Variants in PDSS2 observed in about 807,000 individuals in gnomAD.
PDSS2 encodes all trans-polyprenyl-diphosphate synthase PDSS2.
PDSS2 carries 31 observed loss-of-function variants against 44.5 expected under a neutral mutation model. That is an observed-to-expected ratio of 0.70 (90% CI 0.52 to 0.94). PDSS2 has a LOEUF of 0.94. Among genes scored for constraint, PDSS2 ranks in the 40% least tolerant of loss-of-function variants. The pLI is 0.00. For synonymous variants in PDSS2, 157 were observed against 180.3 expected (o/e 0.87, Z 1.03); for missense variants, 452 against 482.2 (o/e 0.94, Z 0.59).
chr6:107,277,140 T>C (rs1016999163), intron 2 of PDSS2, among the ~76,000 whole-genome samples: 1 of 152,250 alleles, frequency 6.6e-6, no homozygotes, highest in African/African-American at 2.4e-5. Flanking sequence ...AAAGCTTCTA[T>C]CTTTCCTTTT....
intron 3 of PDSS2, among the ~76,000 whole-genome samples, chr6:107,258,371 C>G (rs1775095266): frequency 2.7e-5 from 4 of 146,718 alleles, no homozygotes; most frequent in Non-Finnish European, 4.6e-5. Flanking sequence ...TAGACTCTTT[C>G]CTACAACATC....
chr6:107,416,272 A>G (rs1404943963), intron 1 of PDSS2, among the ~76,000 whole-genome samples: 1 of 152,128 alleles, frequency 6.6e-6, no homozygotes, highest in Admixed American at 6.5e-5. Context: ...ATGGGGACCC[A>G]TGAGCCAGAG....
At chr6:107,161,736 T>C (rs1318428845) in intron 7 of PDSS2, among the ~76,000 whole-genome samples, 2 of 152,196 alleles carry the variant, frequency 1.3e-5, no homozygotes, top group Non-Finnish European at 2.9e-5. Flanking sequence ...AAGTGTTAAA[T>C]ATTCACAGTT....
At chr6:107,239,429 G>C (rs1191942861) in intron 4 of PDSS2, among the ~76,000 whole-genome samples, 1 of 152,062 alleles carries the variant, frequency 6.6e-6, no homozygotes, top group Non-Finnish European at 1.5e-5. Flanking sequence ...TGACAAAAAT[G>C]ATTATGCTGG....
chr6:107,157,393 C>T (rs374975712), intron 7 of PDSS2, among the ~76,000 whole-genome samples: 1 of 152,014 alleles, frequency 6.6e-6, no homozygotes, highest in African/African-American at 2.4e-5. Context: ...ACTATATTGC[C>T]CAAGCTAATC....
chr6:107,335,756 A>G (rs1005151750), intron 1 of PDSS2, among the ~76,000 whole-genome samples: 1 of 152,206 alleles, frequency 6.6e-6, no homozygotes, highest in Admixed American at 6.5e-5. Flanking sequence ...CAGTAAAGTC[A>G]TATTGAGAAC....
At chr6:107,296,648 A>C (rs1776518491) in intron 2 of PDSS2, among the ~76,000 whole-genome samples, 1 of 152,210 alleles carries the variant, frequency 6.6e-6, no homozygotes, top group African/African-American at 2.4e-5. Context: ...AATCACTTGA[A>C]TCCAGGAGGC....
At chr6:107,300,587 G>A (rs1477311508) in intron 2 of PDSS2, among the ~76,000 whole-genome samples, 3 of 152,182 alleles carry the variant, frequency 2.0e-5, no homozygotes, top group Non-Finnish European at 4.4e-5. Flanking sequence ...AAAAGAGGAG[G>A]TAAAGAAATA....
Position 107,410,128 on chromosome 6 carries a change from ATTAG to A in PDSS2, c.296+48858_296+48861del, listed in dbSNP as rs546470580. 2.6e-5 allele frequency among the ~76,000 whole-genome samples: 4 copies of A among 152,336 alleles called. No individual in the cohort carries two copies. The South Asian group carries it at 8.3e-4, about 32-fold the overall frequency. The stretch of plus-strand genomic sequence containing the variant: ...GGCCATCCAGGGCTTTGCCATTTAC[ATTAG>A]AAGTCTCCAAGCCATTCACATTAAA... On this transcript the variant is annotated intron_variant, in intron 1 of 7. Transcript: ENST00000369037.
At chr6:107,239,634 C>T (rs570619000) in intron 4 of PDSS2, among the ~76,000 whole-genome samples, 3 of 76,930 alleles carry the variant, frequency 3.9e-5, no homozygotes, top group South Asian at 6.4e-4. Context: ...TGTACTCTAC[C>T]TTTTTTTTTT....
At chr6:107,422,531 C>T (rs1392016580) in intron 1 of PDSS2, among the ~76,000 whole-genome samples, 1 of 151,724 alleles carries the variant, frequency 6.6e-6, no homozygotes, top group Admixed American at 6.6e-5. Context: ...CATCACAGTA[C>T]TATCTATAAT....
At chr6:107,183,558 C>T (rs147212820) in intron 7 of PDSS2, among the ~76,000 whole-genome samples, 4,943 of 152,004 alleles carry the variant, frequency 0.033, 101 homozygotes, top group Middle Eastern at 0.099. Context: ...AATAGCCAGG[C>T]GTGGTGGCAG....
intron 5 of PDSS2, 109 bp downstream of exon 5, chr6:107,212,000 C>T (rs1421827003): frequency 2.2e-6 from 2 of 909,852 alleles, no homozygotes; most frequent in African/African-American, 3.3e-5. Context: ...TTGAACCACA[C>T]AATAAGCATT....
chr6:107,269,510 C>T (rs1271954280), intron 3 of PDSS2, among the ~76,000 whole-genome samples: 1 of 152,108 alleles, frequency 6.6e-6, no homozygotes, highest in East Asian at 1.9e-4. Flanking sequence ...TCCTTCTTTG[C>T]TTTTGTCAGG....
intron 1 of PDSS2, among the ~76,000 whole-genome samples, chr6:107,409,255 T>C (rs954810914): frequency 6.6e-6 from 1 of 152,194 alleles, no homozygotes; most frequent in African/African-American, 2.4e-5. Context: ...GAAATGTCTG[T>C]TGTATCATCT....
intron 1 of PDSS2, among the ~76,000 whole-genome samples, chr6:107,424,345 A>G (rs1242599653): frequency 6.6e-6 from 1 of 152,044 alleles, no homozygotes; most frequent in African/African-American, 2.4e-5. Flanking sequence ...ACCACACTGG[A>G]CCTTGTATCA....
intron 1 of PDSS2, among the ~76,000 whole-genome samples, chr6:107,404,509 G>C (rs1184202547): frequency 6.6e-6 from 1 of 152,138 alleles, no homozygotes; most frequent in Admixed American, 6.6e-5. Flanking sequence ...GAAAAATGAG[G>C]TTTAACAGAC....
At chr6:107,407,600 A>G (rs1780360115) in intron 1 of PDSS2, among the ~76,000 whole-genome samples, 1 of 152,240 alleles carries the variant, frequency 6.6e-6, no homozygotes, top group South Asian at 2.1e-4. Flanking sequence ...ACACTTTACC[A>G]CAGGTGACAT....
intron 2 of PDSS2, among the ~76,000 whole-genome samples, chr6:107,283,381 A>G (rs1466194988): frequency 1.3e-5 from 2 of 151,850 alleles, no homozygotes; most frequent in African/African-American, 4.8e-5. Flanking sequence ...CCTTATAATA[A>G]CCTGAAATCT....
Sources: allele counts gnomAD v4.1 joint callset (sites outside exome capture counted in the v4.1 genomes callset), GRCh38; gene constraint gnomAD v4.1.1; transcripts MANE v1.5; gene names NCBI Gene and HGNC (gene_info 2026-07-23, HGNC 2026-07-21).